MIR2052HG: variants seen among roughly 807,000 people sequenced by gnomAD.
MIR2052HG encodes the protein MIR2052 host gene.
chr8:74,620,006 T>C (rs1317759878), intron 2 of MIR2052HG, among the ~76,000 whole-genome samples: 1 of 152,218 alleles, frequency 6.6e-6, no homozygotes, highest in African/African-American at 2.4e-5. Context: ...ACAATGGGGA[T>C]ACAGGTATTG....
chr8:74,714,127 A>C (rs1022559711), intron 4 of MIR2052HG, among the ~76,000 whole-genome samples: 4 of 152,182 alleles, frequency 2.6e-5, no homozygotes, highest in African/African-American at 9.6e-5. Flanking sequence ...TGAGTTAATT[A>C]ATTCCAATCA....
chr8:74,718,803 T>G (rs1360038564), intron 4 of MIR2052HG, among the ~76,000 whole-genome samples: 2 of 152,144 alleles, frequency 1.3e-5, no homozygotes, highest in Non-Finnish European at 2.9e-5. Context: ...CTCTCTGGGA[T>G]CACTTTAATT....
intron 2 of MIR2052HG, among the ~76,000 whole-genome samples, chr8:74,658,736 T>G (rs1260715785): frequency 3.3e-5 from 5 of 152,190 alleles, no homozygotes; most frequent in Non-Finnish European, 7.3e-5. Flanking sequence ...CAGTAGGTGC[T>G]CAATAACTAT....
chr8:74,602,108 TAGG>T (rs922944286), intron 1 of MIR2052HG, among the ~76,000 whole-genome samples: 2 of 152,080 alleles, frequency 1.3e-5, no homozygotes, highest in Non-Finnish European at 2.9e-5. Flanking sequence ...CAGAATGAGG[TAGG>T]AGGTTAGCAC....
chr8:74,724,983 G>A (rs920869872), intron 4 of MIR2052HG, among the ~76,000 whole-genome samples: 1 of 152,048 alleles, frequency 6.6e-6, no homozygotes, highest in African/African-American at 2.4e-5. Context: ...GTCTCCCCGT[G>A]AGAATACTAC....
intron 3 of MIR2052HG, chr8:74,703,489 G>A (rs1325956362): frequency 6.7e-6 from 2 of 300,522 alleles, no homozygotes; most frequent in Non-Finnish European, 1.3e-5. Context: ...AACGATGACT[G>A]TACTCCATGG....
At chr8:74,703,820 G>T (rs1314909967) in intron 4 of MIR2052HG, 1 of 292,508 alleles carries the variant, frequency 3.4e-6, no homozygotes, top group Non-Finnish European at 6.8e-6. Flanking sequence ...ATAAATTGTG[G>T]ATAGCTGAGG....
At chr8:74,662,863 TG>T (rs1808880508) in intron 2 of MIR2052HG, among the ~76,000 whole-genome samples, 1 of 89,492 alleles carries the variant, frequency 1.1e-5, no homozygotes, top group African/African-American at 7.1e-5. Context: ...CTCATTTGTG[TG>T]TGTGTGTGTG....
chr8:74,677,744 G>C (rs1267473420), intron 2 of MIR2052HG, among the ~76,000 whole-genome samples: 2 of 151,996 alleles, frequency 1.3e-5, no homozygotes, highest in African/African-American at 4.8e-5. Flanking sequence ...TGAAAAGAAG[G>C]CAAAAATGGA....
chr8:74,669,930 T>A (rs972949369), intron 2 of MIR2052HG, among the ~76,000 whole-genome samples: 2 of 152,192 alleles, frequency 1.3e-5, no homozygotes, highest in Non-Finnish European at 2.9e-5. Flanking sequence ...AGTGTGTCTA[T>A]ATCTGGAGAC....
intron 4 of MIR2052HG, among the ~76,000 whole-genome samples, chr8:74,723,827 C>A (rs1809604178): frequency 6.6e-6 from 1 of 152,180 alleles, no homozygotes; most frequent in African/African-American, 2.4e-5. Flanking sequence ...AGCCTAATTT[C>A]TGCACAATGT....
chr8:74,743,088 A>C (rs1245807246), intron 4 of MIR2052HG, among the ~76,000 whole-genome samples: 1 of 152,104 alleles, frequency 6.6e-6, no homozygotes, highest in South Asian at 2.1e-4. Context: ...AAAACCAACA[A>C]AAAAACACCA....
chr8:74,642,920 T>C (rs1216074816), intron 2 of MIR2052HG, among the ~76,000 whole-genome samples: 7 of 152,192 alleles, frequency 4.6e-5, no homozygotes, highest in Non-Finnish European at 7.4e-5. Context: ...CAGCACTGGA[T>C]AGTTTTATCA....
At chr8:74,737,807 T>C (rs1809783319) in intron 4 of MIR2052HG, among the ~76,000 whole-genome samples, 1 of 152,196 alleles carries the variant, frequency 6.6e-6, no homozygotes. Flanking sequence ...TGTTTTTTCT[T>C]ACATACATAG....
At chr8:74,638,182 G>T (rs992924388) in intron 2 of MIR2052HG, among the ~76,000 whole-genome samples, 1 of 152,152 alleles carries the variant, frequency 6.6e-6, no homozygotes, top group Non-Finnish European at 1.5e-5. Context: ...GATAGAGAGA[G>T]AACAGCACAC....
At chr8:74,688,642 A>T (rs1270085042) in intron 2 of MIR2052HG, among the ~76,000 whole-genome samples, 1 of 152,080 alleles carries the variant, frequency 6.6e-6, no homozygotes, top group Non-Finnish European at 1.5e-5. Context: ...TCTAACATGA[A>T]ATTTTATTTT....
intron 2 of MIR2052HG, among the ~76,000 whole-genome samples, chr8:74,638,348 CAT>C (rs1175407182): frequency 6.6e-6 from 1 of 152,090 alleles, no homozygotes; most frequent in African/African-American, 2.4e-5. Flanking sequence ...GTGTAATCAA[CAT>C]AAACATGCTG....
intron 4 of MIR2052HG, among the ~76,000 whole-genome samples, chr8:74,743,945 C>T (rs953659055): frequency 3.9e-5 from 6 of 152,092 alleles, no homozygotes; most frequent in Non-Finnish European, 5.9e-5. Context: ...ATTAATGCCA[C>T]GAAACTTAAA....
intron 2 of MIR2052HG, among the ~76,000 whole-genome samples, chr8:74,695,770 T>C (rs1165930993): frequency 1.3e-5 from 2 of 151,786 alleles, no homozygotes; most frequent in Admixed American, 1.3e-4. Context: ...AACAGGAAAA[T>C]ATCACAATCC....
Sources: allele counts gnomAD v4.1 joint callset (sites outside exome capture counted in the v4.1 genomes callset), GRCh38; gene constraint gnomAD v4.1.1; transcripts MANE v1.5; gene names NCBI Gene and HGNC (gene_info 2026-07-23, HGNC 2026-07-21).